The following PSG5 variants were observed in gnomAD, a reference collection of about 807,000 sequenced individuals.
PSG5 encodes pregnancy specific beta-1-glycoprotein 5.
A neutral mutation model predicts 37.7 loss-of-function variants in PSG5; 53 were observed. The ratio of observed to expected loss-of-function variants is 1.41; its 90% confidence interval spans 1.13 to 1.77. The LOEUF (loss-of-function observed/expected upper bound fraction) is 1.77, where lower values mean the gene tolerates loss of function less well. Among genes scored for constraint, PSG5 ranks in the 40% most tolerant of loss-of-function variants. PSG5 has a pLI of 0.00. For missense variants in PSG5, 547 were observed against 405.2 expected (o/e 1.35, Z -3.00); for synonymous variants, 221 against 155.4 (o/e 1.42, Z -3.14).
intron 5 of PSG5, among the ~76,000 whole-genome samples, chr19:43,169,029 C>T (rs1968847332): frequency 6.6e-6 from 1 of 151,636 alleles, no homozygotes; most frequent in African/African-American, 2.4e-5. Context: ...CTTGGTCCCT[C>T]TCCAGACCTT....
At chr19:43,168,485 C>T (rs537825334) in intron 5 of PSG5, among the ~76,000 whole-genome samples, 1 of 151,664 alleles carries the variant, frequency 6.6e-6, no homozygotes, top group East Asian at 1.9e-4. Context: ...TCTCCTGCCT[C>T]AGCCTCCTGA....
At chr19:43,172,701 T>C (rs929074772) in intron 4 of PSG5, among the ~76,000 whole-genome samples, 2 of 151,624 alleles carry the variant, frequency 1.3e-5, no homozygotes, top group African/African-American at 4.9e-5. Context: ...ATACCTGAAA[T>C]CTACAAAATA....
At chr19:43,180,489 G>C (rs1969105350) in intron 2 of PSG5, 9 of 151,464 alleles carry the variant, frequency 5.9e-5, no homozygotes, top group Admixed American at 5.9e-4. Context: ...GTTGAGTTTT[G>C]GAGCATTTCA....
rs910728054 is a variant in PSG5 at position 43,167,788 on chromosome 19, A to C, written c.*456T>G. 5.1e-5 allele frequency: 11 copies of C among 214,196 alleles called. No individual in the cohort carries two copies. The highest frequency in any genetic ancestry group is 1.4e-4 in the African/African-American group (6 of 43,644). 13.3% of individuals were successfully genotyped at this position (214,196 alleles called of 1,614,324 possible). A position where few individuals can be genotyped will look rare whatever the true frequency, so the allele number is the denominator to read the frequency against. On this transcript the variant is annotated 3_prime_UTR_variant, in exon 6 of 6. Transcript: ENST00000342951. ...TATTACCATAAACATATGAATACTC[A>C]TGAATAGTTTCCCAATTCTGGGGCA...
At chr19:43,170,734 C>G (rs1251966525) in intron 4 of PSG5, 2 of 170,242 alleles carry the variant, frequency 1.2e-5, no homozygotes, top group Non-Finnish European at 2.6e-5. Flanking sequence ...AAACTTCTTT[C>G]TCTTTCTTTT....
At chr19:43,185,667 C>A (rs1397788608) in intron 1 of PSG5, among the ~76,000 whole-genome samples, 3 of 151,558 alleles carry the variant, frequency 2.0e-5, no homozygotes, top group Admixed American at 6.6e-5. Context: ...CTTGGTTGCA[C>A]CCCAGTGCCT....
intron 2 of PSG5, among the ~76,000 whole-genome samples, chr19:43,178,631 A>T (rs186558943): frequency 1.4e-5 from 2 of 146,720 alleles, no homozygotes; most frequent in African/African-American, 5.1e-5. Context: ...AGCCTGAGAC[A>T]TTCACCTGTT....
chr19:43,179,071 C>G, intron 2 of PSG5: 12 of 1,612,232 alleles, frequency 7.4e-6, no homozygotes, highest in African/African-American at 1.3e-5. Context: ...GTGTCTGAAG[C>G]CGCAGGATCA....
chr19:43,168,274 G>A (rs148667879), intron 5 of PSG5, 71 bp from the exon 6 acceptor site: 5,060 of 371,958 alleles, frequency 0.014, 112 homozygotes, highest in Non-Finnish European at 0.017. Flanking sequence ...TAAAGACACA[G>A]CTCACATAGA....
intron 3 of PSG5, 74 bp downstream of exon 3, chr19:43,175,796 A>G (rs1968995777): frequency 1.3e-6 from 2 of 1,592,978 alleles, no homozygotes; most frequent in South Asian, 1.1e-5. Context: ...CCGGAGAAAG[A>G]CTGAGAGGAC....
chr19:43,169,111 C>T (rs1381407921), intron 5 of PSG5, among the ~76,000 whole-genome samples: 1 of 151,576 alleles, frequency 6.6e-6, no homozygotes, highest in Non-Finnish European at 1.5e-5. Context: ...CAATGTGTAG[C>T]TCTATTTCCC....
At position 43,176,109 on chromosome 19, in the gene PSG5, TTTGAG is replaced by T; in HGVS notation, c.465_469del (p.Asn155LysfsTer6). 6.2e-7 allele frequency: 1 copy of T among 1,611,044 alleles called. No individual in the cohort carries two copies. On this transcript the variant is annotated frameshift_variant, in exon 3 of 6. Transcript: ENST00000342951. LOFTEE classifies it high-confidence loss of function. The stretch of plus-strand genomic sequence containing the variant: ...TAAGACATCCTTATTCTCCCTGGGT[TTTGAG>T]TTGTTGATGGTGATGTAGGGCTTGG...
At chr19:43,174,431 C>T in intron 4 of PSG5, 2 of 825,548 alleles carry the variant, frequency 2.4e-6, no homozygotes, top group Non-Finnish European at 2.9e-6. Context: ...CATGCAGAGC[C>T]CCAGGGGTGA....
In PSG5 at chr19:43,186,355, C is replaced by T. The variant is rs1163544146; in HGVS notation, c.51G>A (p.Gly17=). The T allele has an allele frequency of 6.2e-7, 1 of 1,612,230 alleles. No homozygotes were observed. Among genetic ancestry groups the T allele is most frequent in the East Asian group, 2.2e-5 (1 of 44,868 alleles). The part of the protein sequence containing the change: ...PPCTQHITWK[G]LLLTASLLNF... Reference sequence around the variant, plus strand: ...TTCTCTCCTCACCTGTGAGCAGGAGCCCCTTCCAGGTGATGTGCTGTGTGC... The same window carrying T: ...TTCTCTCCTCACCTGTGAGCAGGAGTCCCTTCCAGGTGATGTGCTGTGTGC... Residue 17 remains glycine, a synonymous_variant, in exon 1 of 6, where the codon GGG becomes GGA. Transcript: ENST00000342951.
intron 3 of PSG5, 42 bp from the exon 4 acceptor site, chr19:43,175,511 G>A (rs1274714748): frequency 1.9e-6 from 3 of 1,571,176 alleles, no homozygotes; most frequent in African/African-American, 1.4e-5. Flanking sequence ...GTCATCCAAG[G>A]GAAGGGGATG....
chr19:43,186,257 T>G, intron 1 of PSG5, 85 bp downstream of exon 1: 1 of 1,596,794 alleles, frequency 6.3e-7, no homozygotes, highest in Non-Finnish European at 8.5e-7. Flanking sequence ...TTCTTTTATT[T>G]TTTAGAACCC....
At chr19:43,169,249 G>A (rs1490605503) in intron 5 of PSG5, among the ~76,000 whole-genome samples, 1 of 151,514 alleles carries the variant, frequency 6.6e-6, no homozygotes, top group Non-Finnish European at 1.5e-5. Flanking sequence ...CTTCATTTCT[G>A]TATGTTTTTT....
At position 43,186,478 on chromosome 19, in the gene PSG5, G is replaced by A. The variant is rs1354369816; in HGVS notation, c.-73C>T. On this transcript the variant is annotated 5_prime_UTR_variant, in exon 1 of 6. Coordinates refer to ENST00000342951, the MANE Select transcript of PSG5 (RefSeq NM_002781.4). ...CAGAAACTTCCTGAGCACGGCTGTA[G>A]GCTGTGCTGTCCTTCCTCCTTCTGT... The A allele has an allele frequency of 6.1e-5, 97 of 1,596,358 alleles. 5 individuals carry two copies. The highest frequency in any genetic ancestry group is 1.8e-4 in the African/African-American group (13 of 73,950).
chr19:43,181,024 A>G (rs17173156), intron 2 of PSG5, among the ~76,000 whole-genome samples: 1 of 151,672 alleles, frequency 6.6e-6, no homozygotes, highest in Non-Finnish European at 1.5e-5. Context: ...AACACCACTA[A>G]AGTTTAAGTT....
Sources: allele counts gnomAD v4.1 joint callset (sites outside exome capture counted in the v4.1 genomes callset), GRCh38; gene constraint gnomAD v4.1.1; transcripts MANE v1.5; gene names NCBI Gene and HGNC (gene_info 2026-07-23, HGNC 2026-07-21).